The following EMB variants were observed in gnomAD, a reference collection of about 807,000 sequenced individuals.
EMB encodes the protein embigin, also known as embigin homolog.
Under a neutral mutation model 41.4 loss-of-function variants are expected in EMB, and 31 were observed. The observed-to-expected ratio is 0.75, with a 90% CI of 0.56 to 1.01. The LOEUF (loss-of-function observed/expected upper bound fraction) is 1.01. Among genes scored for constraint, EMB ranks in the 50% least tolerant of loss-of-function variants. EMB has a pLI of 0.00. For synonymous variants in EMB, 137 were observed against 140.4 expected (o/e 0.98, Z 0.17); for missense variants, 379 against 388.3 (o/e 0.98, Z 0.20).
chr5:50,404,749 T>A (rs781437846), intron 5 of EMB, among the ~76,000 whole-genome samples: 2 of 151,910 alleles, frequency 1.3e-5, no homozygotes, highest in East Asian at 3.9e-4. Flanking sequence ...TTCCTCATCA[T>A]CCATCAGAAG....
intron 1 of EMB, among the ~76,000 whole-genome samples, chr5:50,437,016 A>T (rs1745814811): frequency 6.6e-6 from 1 of 152,226 alleles, no homozygotes; most frequent in South Asian, 2.1e-4. Context: ...CTCGCCTATA[A>T]TCCCAACACT....
upstream of EMB, among the ~76,000 whole-genome samples, chr5:50,442,506 C>T (rs1406924540): frequency 9.7e-6 from 1 of 102,784 alleles, no homozygotes; most frequent in Non-Finnish European, 1.8e-5. Flanking sequence ...TGCACGCATG[C>T]ACACATGTAC....
intron 5 of EMB, among the ~76,000 whole-genome samples, chr5:50,403,733 T>C (rs1446751796): frequency 6.6e-6 from 1 of 151,930 alleles, no homozygotes; most frequent in Non-Finnish European, 1.5e-5. Context: ...ATAAATATTA[T>C]AGAAGAATTA....
At chr5:50,416,613 T>C (rs1745435048) in intron 2 of EMB, among the ~76,000 whole-genome samples, 2 of 152,130 alleles carry the variant, frequency 1.3e-5, no homozygotes, top group Non-Finnish European at 2.9e-5. Context: ...CACAGTTAAG[T>C]GAACTGTGAC....
At chr5:50,414,405 T>C (rs1251449535) in intron 2 of EMB, among the ~76,000 whole-genome samples, 2 of 151,470 alleles carry the variant, frequency 1.3e-5, no homozygotes, top group East Asian at 3.9e-4. Context: ...TGCATGCCTG[T>C]GGTCCCATCT....
rs565945919 is a variant in EMB, at chr5:50,424,567, T to C, written c.196+3577A>G. 7.9e-5 allele frequency among the ~76,000 whole-genome samples: 12 copies of C among 152,270 alleles called. No homozygotes were observed. In the South Asian group the frequency reaches 2.5e-3, roughly 32 times the overall value. On this transcript the variant is annotated intron_variant, in intron 2 of 8. Coordinates refer to ENST00000303221, the MANE Select transcript of EMB (RefSeq NM_198449.3). ...TTATGGTGAGATTCTTTACTAAATG[T>C]TAATCACAAGATTATTAAATCATGT...
intron 1 of EMB, among the ~76,000 whole-genome samples, chr5:50,438,391 C>T (rs1187197601): frequency 6.6e-6 from 1 of 152,122 alleles, no homozygotes; most frequent in Non-Finnish European, 1.5e-5. Flanking sequence ...AACTGCAATA[C>T]TCTGAGATGA....
intron 2 of EMB, among the ~76,000 whole-genome samples, chr5:50,417,744 T>A (rs1745453271): frequency 6.6e-6 from 1 of 152,214 alleles, no homozygotes; most frequent in Non-Finnish European, 1.5e-5. Context: ...GAGCTGAGCC[T>A]ATTTTCAAAC....
intron 1 of EMB, among the ~76,000 whole-genome samples, chr5:50,436,386 G>C (rs568004384): frequency 7.2e-5 from 11 of 152,126 alleles, no homozygotes; most frequent in Non-Finnish European, 5.9e-5. Flanking sequence ...GAAAAACCTA[G>C]ATCCTATTAT....
At chr5:50,437,738 T>C (rs1745828145) in intron 1 of EMB, among the ~76,000 whole-genome samples, 4 of 152,022 alleles carry the variant, frequency 2.6e-5, no homozygotes. Flanking sequence ...AGAAAGCTGC[T>C]GTGTTTGGGG....
chr5:50,437,510 C>G (rs542428807), intron 1 of EMB, among the ~76,000 whole-genome samples: 1 of 152,244 alleles, frequency 6.6e-6, no homozygotes, highest in East Asian at 1.9e-4. Context: ...AAATTTACAT[C>G]AGTGGGTACT....
intron 4 of EMB, among the ~76,000 whole-genome samples, chr5:50,409,451 A>G (rs1421706301): frequency 6.6e-6 from 1 of 152,104 alleles, no homozygotes; most frequent in Non-Finnish European, 1.5e-5. Context: ...AGATTCTGTG[A>G]GCATTTCCTC....
intron 4 of EMB, 54 bp from the exon 5 acceptor site, chr5:50,405,906 T>C (rs374945540): frequency 6.7e-7 from 1 of 1,500,352 alleles, no homozygotes. Flanking sequence ...GTAAAGGAAA[T>C]GTATTAAATG....
chr5:50,441,496 C>G, upstream of EMB: 1 of 189,006 alleles, frequency 5.3e-6, no homozygotes. Flanking sequence ...GATGTCTAGC[C>G]AATCTCGTGG....
At chr5:50,421,644 C>G (rs1745525791) in intron 2 of EMB, among the ~76,000 whole-genome samples, 1 of 151,632 alleles carries the variant, frequency 6.6e-6, no homozygotes, top group Non-Finnish European at 1.5e-5. Flanking sequence ...TAGAACCAAC[C>G]CAAATGTCCA....
chr5:50,403,152 C>A (rs13154223), intron 6 of EMB, 26 bp downstream of exon 6: 613,686 of 1,469,160 alleles, frequency 0.42, 109,967 homozygotes, highest in African/African-American at 0.63. Flanking sequence ...CTAAAAAAAA[C>A]AAAAAACAAA....
At chr5:50,435,139 C>A (rs1392174748) in intron 1 of EMB, among the ~76,000 whole-genome samples, 1 of 152,102 alleles carries the variant, frequency 6.6e-6, no homozygotes, top group Non-Finnish European at 1.5e-5. Flanking sequence ...ATTTTTGTTT[C>A]TTTTCAAACA....
intron 1 of EMB, among the ~76,000 whole-genome samples, chr5:50,435,890 G>T (rs1745795805): frequency 6.6e-6 from 1 of 151,992 alleles, no homozygotes; most frequent in African/African-American, 2.4e-5. Flanking sequence ...TTTGTCCAGT[G>T]GGAACCCCTT....
At chr5:50,422,243 T>C (rs62365896) in intron 2 of EMB, among the ~76,000 whole-genome samples, 60,063 of 152,032 alleles carry the variant, frequency 0.4, 12,405 homozygotes, top group African/African-American at 0.51. Flanking sequence ...AGGAAATCAA[T>C]TTAATAGTTA....
Sources: allele counts gnomAD v4.1 joint callset (sites outside exome capture counted in the v4.1 genomes callset), GRCh38; gene constraint gnomAD v4.1.1; transcripts MANE v1.5; gene names NCBI Gene and HGNC (gene_info 2026-07-23, HGNC 2026-07-21).